ROBO1: variants seen among roughly 807,000 people sequenced by gnomAD.
The protein encoded by ROBO1 is roundabout guidance receptor 1, also known as roundabout homolog 1.
Under a neutral mutation model 195.9 loss-of-function variants are expected in ROBO1, and 149 were observed. The observed-to-expected ratio is 0.76, with a 90% confidence interval of 0.67 to 0.87. The LOEUF (loss-of-function observed/expected upper bound fraction) is 0.87, where lower values mean the gene tolerates loss of function less well. Ranked by LOEUF, ROBO1 falls within the 40% of genes least tolerant of loss-of-function variation. The pLI, the probability that ROBO1 is intolerant of heterozygous loss-of-function variation, is 0.00. For missense variants in ROBO1, 1,933 were observed against 2,068.3 expected, an observed-to-expected ratio of 0.93 and a Z score of 1.27; for synonymous variants, 816 against 733.2, an observed-to-expected ratio of 1.11 and a Z score of -1.82.
intron 3 of ROBO1, among the ~76,000 whole-genome samples, chr3:79,106,446 A>G (rs2079781852): frequency 6.6e-6 from 1 of 151,658 alleles, no homozygotes; most frequent in South Asian, 2.1e-4. Context: ...AAACAAGACA[A>G]ATAATTCTAT....
rs149170541 is a variant in ROBO1 at position 79,089,881 on chromosome 3, G to A, written c.172+35575C>T. Among the ~76,000 whole-genome samples the A allele has an allele frequency of 3.9e-3, 593 of 151,202 alleles. 2 individuals carry two copies. The highest frequency in any genetic ancestry group is 5.9e-3 in the Non-Finnish European group (401 of 67,886). On this transcript the variant is annotated intron_variant, in intron 3 of 30. Coordinates refer to ENST00000464233, the MANE Select transcript of ROBO1 (RefSeq NM_002941.4). ...TGTATTCTTTTTCTAGTCAATTTAC[G>A]ACAGTTGTTTGCATTTTGGAGAAAT...
intron 5 of ROBO1, among the ~76,000 whole-genome samples, chr3:78,728,033 C>A (rs2082204837): frequency 1.3e-5 from 2 of 151,622 alleles, no homozygotes; most frequent in Admixed American, 6.6e-5. Context: ...AACAATAAAC[C>A]TCAGCCAAAT....
At chr3:78,975,193 T>C (rs1182271996) in intron 3 of ROBO1, among the ~76,000 whole-genome samples, 1 of 152,164 alleles carries the variant, frequency 6.6e-6, no homozygotes, top group Non-Finnish European at 1.5e-5. Context: ...CTCACTCTTA[T>C]ATCTTCAATT....
intron 5 of ROBO1, among the ~76,000 whole-genome samples, chr3:78,745,491 G>A (rs1350425819): frequency 6.6e-6 from 1 of 152,090 alleles, no homozygotes. Flanking sequence ...TAAGGGCAAA[G>A]TATTCTTACC....
At chr3:79,283,110 C>A (rs1453902559) in intron 2 of ROBO1, among the ~76,000 whole-genome samples, 2 of 152,308 alleles carry the variant, frequency 1.3e-5, no homozygotes, top group African/African-American at 4.8e-5. Flanking sequence ...CTAAATAATT[C>A]TTTGTACCTA....
intron 5 of ROBO1, among the ~76,000 whole-genome samples, chr3:78,728,382 C>T (rs997088549): frequency 6.6e-6 from 1 of 152,020 alleles, no homozygotes; most frequent in Middle Eastern, 3.4e-3. Context: ...CAGCACTGTA[C>T]CCCAAGATGG....
chr3:79,534,161 A>C (rs866575536), intron 2 of ROBO1, among the ~76,000 whole-genome samples: 1 of 145,252 alleles, frequency 6.9e-6, no homozygotes, highest in South Asian at 2.1e-4. Context: ...AAAAAAAAAA[A>C]AAAAAAAAAA....
intron 2 of ROBO1, among the ~76,000 whole-genome samples, chr3:79,145,160 GAGGAA>G (rs1252157358): frequency 1.3e-5 from 2 of 151,766 alleles, no homozygotes; most frequent in African/African-American, 4.8e-5. Flanking sequence ...AAAATAAATT[GAGGAA>G]ATATATAGGT....
chr3:79,454,964 T>C (rs1377966818), intron 2 of ROBO1, among the ~76,000 whole-genome samples: 3 of 152,272 alleles, frequency 2.0e-5, no homozygotes, highest in East Asian at 1.9e-4. Flanking sequence ...TCAGCAAAAC[T>C]AGTTTTCAGA....
At chr3:78,696,125 G>GAAAAAAAAA (rs34340807) in intron 8 of ROBO1, among the ~76,000 whole-genome samples, 2 of 108,708 alleles carry the variant, frequency 1.8e-5, no homozygotes, top group Non-Finnish European at 4.0e-5. Context: ...GAAAGAATCA[G>GAAAAAAAAA]AAAAAAAAAA....
intron 2 of ROBO1, among the ~76,000 whole-genome samples, chr3:79,420,856 C>G (rs974952684): frequency 1.3e-5 from 2 of 152,066 alleles, no homozygotes; most frequent in African/African-American, 4.8e-5. Context: ...CCATTTGACC[C>G]AGAAATCTCA....
intron 4 of ROBO1, among the ~76,000 whole-genome samples, chr3:78,812,173 G>A (rs2084763390): frequency 6.6e-6 from 1 of 152,118 alleles, no homozygotes; most frequent in Non-Finnish European, 1.5e-5. Flanking sequence ...TCTCTGGCCT[G>A]AATCCTCCTA....
intron 2 of ROBO1, among the ~76,000 whole-genome samples, chr3:79,537,536 T>A (rs1941918931): frequency 6.6e-6 from 1 of 152,124 alleles, no homozygotes; most frequent in Admixed American, 6.6e-5. Flanking sequence ...ATCTTCAAAA[T>A]GGCTGAAATA....
chr3:79,685,415 G>C (rs552207021), intron 1 of ROBO1, among the ~76,000 whole-genome samples: 1 of 152,254 alleles, frequency 6.6e-6, no homozygotes, highest in Admixed American at 6.5e-5. Context: ...GGCCTTTATG[G>C]ACATCTGAAA....
intron 8 of ROBO1, among the ~76,000 whole-genome samples, chr3:78,709,814 A>C (rs1254068876): frequency 6.6e-6 from 1 of 152,134 alleles, no homozygotes; most frequent in Non-Finnish European, 1.5e-5. Context: ...GAATCTAAAA[A>C]ATTAGAAAAC....
chr3:79,550,044 A>T (rs1942420035), intron 2 of ROBO1, among the ~76,000 whole-genome samples: 1 of 151,442 alleles, frequency 6.6e-6, no homozygotes, highest in Admixed American at 6.6e-5. Flanking sequence ...AGGATCACTT[A>T]AGCATGGGAC....
intron 4 of ROBO1, among the ~76,000 whole-genome samples, chr3:78,775,887 GCT>G (rs1048750407): frequency 6.6e-6 from 1 of 152,156 alleles, no homozygotes; most frequent in Non-Finnish European, 1.5e-5. Flanking sequence ...ACTGACCAGT[GCT>G]CTCAGTAGCT....
intron 3 of ROBO1, among the ~76,000 whole-genome samples, chr3:78,943,961 AATC>A (rs762540239): frequency 1.3e-5 from 2 of 152,360 alleles, no homozygotes; most frequent in Non-Finnish European, 2.9e-5. Flanking sequence ...CATAAATGGT[AATC>A]ATCATCTTTA....
intron 2 of ROBO1, among the ~76,000 whole-genome samples, chr3:79,309,165 T>C (rs2033364357): frequency 1.3e-5 from 2 of 152,180 alleles, no homozygotes; most frequent in Non-Finnish European, 2.9e-5. Context: ...TTATATGATA[T>C]GTGTCTGTAT....
Sources: gnomAD v4.1 joint callset for allele counts (sites outside exome capture counted in the v4.1 genomes callset) on GRCh38, gnomAD v4.1.1 for gene constraint, MANE v1.5 for transcripts, NCBI Gene and HGNC (gene_info 2026-07-23, HGNC 2026-07-21) for gene names.